RAB11FIP4: variants seen among roughly 807,000 people sequenced by gnomAD.
RAB11FIP4 encodes the protein RAB11 family interacting protein 4.
A neutral mutation model predicts 74.3 loss-of-function variants in RAB11FIP4; 23 were observed. The ratio of observed to expected loss-of-function variants is 0.31; its 90% CI spans 0.22 to 0.44. RAB11FIP4 has a LOEUF of 0.44. Ranked by LOEUF, RAB11FIP4 falls within the 20% of genes least tolerant of loss-of-function variation. The probability of loss-of-function intolerance (pLI) is 1.00; values close to 1 mark genes in which losing one functional copy is unlikely to be tolerated. For missense variants in RAB11FIP4, 630 were observed against 863.9 expected, an observed-to-expected ratio of 0.73 and a Z score of 3.39; for synonymous variants, 360 against 359.9, an observed-to-expected ratio of 1.00 and a Z score of 0.00.
intron 3 of RAB11FIP4, among the ~76,000 whole-genome samples, chr17:31,458,587 G>A (rs178877): frequency 0.31 from 47,613 of 152,034 alleles, 7,770 homozygotes; most frequent in East Asian, 0.63. Flanking sequence ...TTCTCTGCAC[G>A]GGAGCCTGGG....
At chr17:31,403,894 C>G (rs919445701) in intron 1 of RAB11FIP4, among the ~76,000 whole-genome samples, 1 of 152,018 alleles carries the variant, frequency 6.6e-6, no homozygotes, top group Non-Finnish European at 1.5e-5. Context: ...GACTTTGAGC[C>G]TGGGGTGGTC....
chr17:31,405,990 TAATAGTGCAGACACTCTGCTCTGCCCA>T (rs1001152666), intron 1 of RAB11FIP4, among the ~76,000 whole-genome samples: 2 of 152,046 alleles, frequency 1.3e-5, no homozygotes, highest in African/African-American at 2.4e-5. Flanking sequence ...GTGTCTGCAC[TAATAGTGCAGACACTCTGCTCTGCCCA>T]GCCCAGCTCA....
chr17:31,396,208 G>T (rs1257832671), intron 1 of RAB11FIP4, among the ~76,000 whole-genome samples: 1 of 109,848 alleles, frequency 9.1e-6, no homozygotes, highest in Non-Finnish European at 2.4e-5. Context: ...GAAAAGAAAA[G>T]AAAAGAAAAG....
At chr17:31,396,537 T>C (rs2070933411) in intron 1 of RAB11FIP4, among the ~76,000 whole-genome samples, 1 of 152,284 alleles carries the variant, frequency 6.6e-6, no homozygotes, top group Non-Finnish European at 1.5e-5. Context: ...TCCTTGTCAT[T>C]ATTATTATTT....
chr17:31,521,430 G>C, intron 5 of RAB11FIP4, 70 bp downstream of exon 5: 1 of 1,403,170 alleles, frequency 7.1e-7, no homozygotes, highest in East Asian at 2.5e-5. Flanking sequence ...ATCCTAGGGG[G>C]TGGGGGGGTG....
intron 9 of RAB11FIP4, chr17:31,524,378 C>A (rs900681726): frequency 9.1e-6 from 2 of 220,366 alleles, no homozygotes; most frequent in African/African-American, 4.6e-5. Context: ...TGGGAAGGGT[C>A]CAGCACTGCT....
At chr17:31,514,105 G>A (rs898648512) in intron 3 of RAB11FIP4, among the ~76,000 whole-genome samples, 1 of 152,264 alleles carries the variant, frequency 6.6e-6, no homozygotes, top group Non-Finnish European at 1.5e-5. Flanking sequence ...GTCTTCTTTG[G>A]AGGGTGGGAA....
chr17:31,505,648 T>A (rs1300642577), intron 3 of RAB11FIP4, among the ~76,000 whole-genome samples: 4 of 77,348 alleles, frequency 5.2e-5, no homozygotes, highest in Non-Finnish European at 1.2e-4. Context: ...TAATTATATA[T>A]AATATATAAT....
chr17:31,416,839 C>G (rs2071152738), intron 1 of RAB11FIP4, among the ~76,000 whole-genome samples: 1 of 152,146 alleles, frequency 6.6e-6, no homozygotes, highest in Non-Finnish European at 1.5e-5. Context: ...GAGTGATGCA[C>G]TTGAGTGCTT....
intron 1 of RAB11FIP4, among the ~76,000 whole-genome samples, chr17:31,414,813 G>A (rs2071131974): frequency 6.6e-6 from 1 of 152,218 alleles, no homozygotes; most frequent in African/African-American, 2.4e-5. Context: ...CCTTCATTGG[G>A]CAGGGGCCCT....
chr17:31,428,975 G>T lies in RAB11FIP4; in HGVS notation c.160-2838G>T, dbSNP rs181189971. 6.0e-3 allele frequency among the ~76,000 whole-genome samples: 908 copies of T among 151,878 alleles called. 14 individuals are homozygous for T. The highest frequency in any genetic ancestry group is 0.027 in the South Asian group (127 of 4,788). On this transcript the variant is annotated intron_variant, in intron 1 of 14. Transcript: ENST00000621161. ...AAGTTGTTATTATTATGATGATGATGATGATTATTATTATTATTTGAGACG... is the reference window on the plus strand; with the variant it reads ...AAGTTGTTATTATTATGATGATGATTATGATTATTATTATTATTTGAGACG...
chr17:31,409,074 C>T (rs2071068623), intron 1 of RAB11FIP4, among the ~76,000 whole-genome samples: 2 of 152,134 alleles, frequency 1.3e-5, no homozygotes, highest in Non-Finnish European at 2.9e-5. Context: ...GCTAGCTGGG[C>T]TGAGGCTGTT....
intron 13 of RAB11FIP4, among the ~76,000 whole-genome samples, chr17:31,529,566 C>T (rs2072830697): frequency 6.6e-6 from 1 of 152,186 alleles, no homozygotes; most frequent in African/African-American, 2.4e-5. Flanking sequence ...CTGTGCCTAG[C>T]CAGAAGATTA....
chr17:31,435,011 C>T (rs562305317), intron 3 of RAB11FIP4, among the ~76,000 whole-genome samples: 1 of 120,568 alleles, frequency 8.3e-6, no homozygotes, highest in African/African-American at 2.9e-5. Flanking sequence ...GATGATGAGA[C>T]CCCGTCTCTA....
intron 1 of RAB11FIP4, among the ~76,000 whole-genome samples, chr17:31,430,692 AT>A (rs781301649): frequency 2.6e-5 from 4 of 152,016 alleles, no homozygotes; most frequent in Non-Finnish European, 5.9e-5. Context: ...GTGTGGTGGA[AT>A]GATACTGGAA....
rs538625718 is a variant in RAB11FIP4 at position 31,537,651 on chromosome 17, G to A, written c.*5919G>A. The A allele has an allele frequency of 7.0e-5, 11 of 156,206 alleles. No homozygotes were observed. The highest frequency in any genetic ancestry group is 6.5e-4 in the Admixed American group (10 of 15,392). The allele number at this position is 156,206 out of a possible 1,614,324, so 9.7% of individuals were successfully genotyped here. A position where few individuals can be genotyped will look rare whatever the true frequency, so the allele number is the denominator to read the frequency against. On this transcript the variant is annotated 3_prime_UTR_variant, in exon 15 of 15. Coordinates refer to ENST00000621161, the MANE Select transcript of RAB11FIP4 (RefSeq NM_032932.6). ...TGGTGCACGGCCACAGGCCTGCCTT[G>A]AGGCCACCACATCTGGTGTCTAGAA...
intron 3 of RAB11FIP4, among the ~76,000 whole-genome samples, chr17:31,513,754 T>C (rs973158458): frequency 6.6e-6 from 1 of 152,240 alleles, no homozygotes; most frequent in South Asian, 2.1e-4. Flanking sequence ...AGTATTAATG[T>C]TGGGAATAGC....
chr17:31,471,558 T>C (rs1233334587), intron 3 of RAB11FIP4, among the ~76,000 whole-genome samples: 1 of 152,176 alleles, frequency 6.6e-6, no homozygotes, highest in African/African-American at 2.4e-5. Context: ...CAGGCTCAGC[T>C]GTCAAGCAGG....
chr17:31,431,775 T>G, intron 1 of RAB11FIP4, 38 bp from the exon 2 acceptor site: 2 of 1,131,258 alleles, frequency 1.8e-6, no homozygotes, highest in Non-Finnish European at 2.5e-6. Flanking sequence ...CGGGAGATCC[T>G]TGGGTGTCTC....
Sources: allele counts gnomAD v4.1 joint callset (sites outside exome capture counted in the v4.1 genomes callset), GRCh38; gene constraint gnomAD v4.1.1; transcripts MANE v1.5; gene names NCBI Gene and HGNC (gene_info 2026-07-23, HGNC 2026-07-21).